TLCD4: variants seen among roughly 807,000 people sequenced by gnomAD.
The protein encoded by TLCD4 is TLC domain-containing protein 4.
In TLCD4, 7 loss-of-function variants were observed where a neutral mutation model predicts 24.2. The observed-to-expected ratio is 0.29, with a 90% confidence interval of 0.16 to 0.54. The LOEUF (loss-of-function observed/expected upper bound fraction) is 0.54, where lower values mean the gene tolerates loss of function less well. TLCD4 is among the 20% of genes least tolerant of loss of function. The probability of loss-of-function intolerance (pLI) is 0.95; values close to 1 mark genes in which losing one functional copy is unlikely to be tolerated. For synonymous variants in TLCD4, 103 were observed against 106.4 expected, an observed-to-expected ratio of 0.97 and a Z score of 0.20; for missense variants, 259 against 313.9, an observed-to-expected ratio of 0.82 and a Z score of 1.32.
At chr1:95,178,845 C>T (rs969006507) in intron 6 of TLCD4, among the ~76,000 whole-genome samples, 9 of 152,132 alleles carry the variant, frequency 5.9e-5, no homozygotes, top group African/African-American at 1.2e-4. Context: ...TTAGGTGGCA[C>T]GTTGAATCAA....
At chr1:95,137,111 G>A (rs889915041) in intron 1 of TLCD4, among the ~76,000 whole-genome samples, 1 of 152,174 alleles carries the variant, frequency 6.6e-6, no homozygotes, top group Non-Finnish European at 1.5e-5. Context: ...AGGTAGTGGG[G>A]GTTGGGGGGA....
upstream of TLCD4, among the ~76,000 whole-genome samples, chr1:95,113,893 G>A (rs1394241554): frequency 6.6e-6 from 1 of 151,852 alleles, no homozygotes; most frequent in Non-Finnish European, 1.5e-5. Flanking sequence ...CATGTGATAT[G>A]GTATCTGTGA....
intron 1 of TLCD4, among the ~76,000 whole-genome samples, chr1:95,132,950 A>G (rs1676935279): frequency 6.6e-6 from 1 of 152,164 alleles, no homozygotes; most frequent in South Asian, 2.1e-4. Context: ...CAGCTATTCC[A>G]GGAGAGTGAT....
chr1:95,173,743 G>T, intron 5 of TLCD4, 73 bp from the exon 6 acceptor site: 1 of 1,593,918 alleles, frequency 6.3e-7, no homozygotes, highest in South Asian at 1.1e-5. Context: ...GAAGCTATTG[G>T]ATATTTCTAC....
At position 95,117,380 on chromosome 1, in the gene TLCD4, G is replaced by A. The variant is rs1676451579; in HGVS notation, c.-249G>A. 6.6e-6 allele frequency: 1 copy of A among 152,148 alleles called. No homozygotes were observed. Among genetic ancestry groups the A allele is most frequent in the African/African-American group, 2.4e-5 (1 of 41,448 alleles). 9.4% of individuals were successfully genotyped at this position (152,148 alleles called of 1,614,324 possible). A position where few individuals can be genotyped will look rare whatever the true frequency, so the allele number is the denominator to read the frequency against. The stretch of plus-strand genomic sequence containing the variant: ...AAGGAGCAGCTCTGCGGTAACCCGA[G>A]CCCGCAGTCCGGGCGGGCGCGACGG... On this transcript the variant is annotated 5_prime_UTR_variant, in exon 1 of 7. Coordinates refer to ENST00000370203, the MANE Select transcript of TLCD4 (RefSeq NM_152487.3).
In TLCD4 at chr1:95,162,484, T is replaced by G. The variant is rs1255800292; in HGVS notation, c.399+11065T>G. On this transcript the variant is annotated intron_variant, in intron 5 of 6. Transcript: ENST00000370203. ...TGCCAGTCTGTGTCTTTTAATTGGC[T>G]CATTTAGCACATGTGCATTTAAGGT... is the stretch of plus-strand genomic sequence containing the variant. Among the ~76,000 whole-genome samples, 4 of 152,176 alleles carry G rather than the reference T, an allele frequency of 2.6e-5. No individual in the cohort carries two copies. In the East Asian group the frequency reaches 7.7e-4, roughly 29 times the overall value.
At chr1:95,112,622 G>A (rs1571713445), upstream of TLCD4, among the ~76,000 whole-genome samples, 2 of 152,054 alleles carry the variant, frequency 1.3e-5, no homozygotes, top group Non-Finnish European at 2.9e-5. Context: ...AAATGCTGAG[G>A]GAAAATAATT....
intron 6 of TLCD4, among the ~76,000 whole-genome samples, chr1:95,190,975 G>A (rs1441774292): frequency 3.3e-5 from 5 of 152,028 alleles, no homozygotes; most frequent in South Asian, 2.1e-4. Context: ...TAATTTTAAC[G>A]AAGTCCAACT....
the TLCD4 span, among the ~76,000 whole-genome samples, chr1:95,099,664 A>G: frequency 2.0e-5 from 3 of 152,292 alleles, no homozygotes; most frequent in African/African-American, 7.2e-5. Flanking sequence ...ATCCTCAAGG[A>G]ACTTATAGTT....
chr1:95,162,719 T>G (rs1411896185), intron 5 of TLCD4, among the ~76,000 whole-genome samples: 2 of 152,186 alleles, frequency 1.3e-5, no homozygotes, highest in Non-Finnish European at 2.9e-5. Context: ...TGTCTCAGCA[T>G]TTGCTTGTCT....
chr1:95,126,415 G>C (rs1210858145), intron 1 of TLCD4, among the ~76,000 whole-genome samples: 1 of 124,342 alleles, frequency 8.0e-6, no homozygotes, highest in Non-Finnish European at 1.7e-5. Context: ...GTGACAGAAC[G>C]AGACTCTGTC....
chr1:95,102,579 G>A, the TLCD4 span, among the ~76,000 whole-genome samples: 1 of 152,144 alleles, frequency 6.6e-6, no homozygotes, highest in Non-Finnish European at 1.5e-5. Flanking sequence ...GTAGAGTCTT[G>A]GGAATATAGG....
intron 5 of TLCD4, among the ~76,000 whole-genome samples, chr1:95,155,671 T>C (rs1238342942): frequency 1.3e-5 from 2 of 151,978 alleles, no homozygotes; most frequent in African/African-American, 2.4e-5. Context: ...GTCATTGATA[T>C]ATTGACGGGT....
the TLCD4 span, among the ~76,000 whole-genome samples, chr1:95,109,912 CATATATATATATATATAT>C: frequency 4.4e-3 from 356 of 80,270 alleles, 9 homozygotes; most frequent in East Asian, 0.059. Flanking sequence ...TGTGTGTATG[CATATATATATATATATAT>C]ATATATATAT....
rs1283850612 is a variant in TLCD4, at chr1:95,196,953, A to AT, written c.*5091dup. 1 of 152,058 alleles carries AT rather than the reference A, an allele frequency of 6.6e-6. No homozygotes were observed. Among genetic ancestry groups the AT allele is most frequent in the African/African-American group, 2.4e-5 (1 of 41,418 alleles). 9.4% of individuals were successfully genotyped at this position (152,058 alleles called of 1,614,324 possible). On this transcript the variant is annotated 3_prime_UTR_variant, in exon 7 of 7. Coordinates refer to ENST00000370203, the MANE Select transcript of TLCD4 (RefSeq NM_152487.3). ...ACTTGTAAATAGGATAAGTTATGAGATTTTTTGGTATTAGAATTTGTAATA... is the reference window on the plus strand; with the variant it reads ...ACTTGTAAATAGGATAAGTTATGAGATTTTTTTGGTATTAGAATTTGTAATA...
intron 1 of TLCD4, among the ~76,000 whole-genome samples, chr1:95,133,854 A>T (rs1244854232): frequency 6.6e-6 from 1 of 151,984 alleles, no homozygotes; most frequent in African/African-American, 2.4e-5. Flanking sequence ...CTGAGTAAAT[A>T]GTTGGGCATA....
chr1:95,169,620 A>G (rs1344173275), intron 5 of TLCD4, among the ~76,000 whole-genome samples: 1 of 128,682 alleles, frequency 7.8e-6, no homozygotes, highest in East Asian at 2.3e-4. Flanking sequence ...GGTCTTAAAT[A>G]TAGTATACTT....
intron 1 of TLCD4, among the ~76,000 whole-genome samples, chr1:95,131,316 G>A (rs1466069457): frequency 6.6e-6 from 1 of 152,136 alleles, no homozygotes; most frequent in Non-Finnish European, 1.5e-5. Context: ...GGAGTAGAGG[G>A]GTATGGAAGG....
At chr1:95,181,272 T>C in intron 6 of TLCD4, among the ~76,000 whole-genome samples, 1 of 152,126 alleles carries the variant, frequency 6.6e-6, no homozygotes, top group East Asian at 1.9e-4. Flanking sequence ...TCTGGAATGA[T>C]AGAATTCAGC....
Sources: gnomAD v4.1 joint callset for allele counts (sites outside exome capture counted in the v4.1 genomes callset) on GRCh38, gnomAD v4.1.1 for gene constraint, MANE v1.5 for transcripts, NCBI Gene and HGNC (gene_info 2026-07-23, HGNC 2026-07-21) for gene names.